The following CHRDL1 variants were observed in gnomAD, a reference collection of about 807,000 sequenced individuals.
CHRDL1 encodes chordin like 1, also known as chordin-like protein 1.
In CHRDL1, 19 loss-of-function variants were observed where a neutral mutation model predicts 40.9. That is an observed-to-expected ratio of 0.46 (90% confidence interval 0.32 to 0.68). The LOEUF is 0.68. Among genes scored for constraint, CHRDL1 ranks in the 30% least tolerant of loss-of-function variants. CHRDL1 has a pLI of 0.03. For missense variants in CHRDL1, 329 were observed against 352.1 expected (o/e 0.93, Z 0.53); for synonymous variants, 136 against 123.4 (o/e 1.10, Z -0.68).
chrX:110,778,023 G>A (rs1203615452), intron 2 of CHRDL1, among the ~76,000 whole-genome samples: 1 of 110,948 alleles, frequency 9.0e-6, no homozygotes, highest in African/African-American at 3.3e-5. Context: ...TATTCAATAC[G>A]TAGTGTTAGG....
Position 110,775,558 on chromosome X carries a change from T to C in CHRDL1, c.95-12751A>G, listed in dbSNP as rs1008990046. On this transcript the variant is annotated intron_variant, in intron 2 of 11. Transcript: ENST00000372042. ...ATGTATCTCATAACATCATGTTGTA[T>C]ACCTTAAATGTACACAATAGAACTT... 1.1e-4 allele frequency among the ~76,000 whole-genome samples: 12 copies of C among 111,741 alleles called. No individual in the cohort carries two copies. In the South Asian group the frequency reaches 3.0e-3, roughly 28 times the overall value.
intron 6 of CHRDL1, among the ~76,000 whole-genome samples, chrX:110,706,460 T>TA (rs1174028156): frequency 1.8e-5 from 2 of 112,018 alleles, no homozygotes; most frequent in Non-Finnish European, 3.8e-5. Context: ...AGTGGTACCC[T>TA]ATGAAGCTGT....
chrX:110,782,786 T>C (rs2089965736), intron 2 of CHRDL1, among the ~76,000 whole-genome samples: 1 of 112,500 alleles, frequency 8.9e-6, no homozygotes, highest in Non-Finnish European at 1.9e-5. Context: ...CTAACAGCAC[T>C]TTCCTCATTT....
chrX:110,766,059 C>T (rs1038744397), intron 2 of CHRDL1, among the ~76,000 whole-genome samples: 1 of 111,529 alleles, frequency 9.0e-6, no homozygotes, highest in African/African-American at 3.3e-5. Flanking sequence ...CAAAACCACA[C>T]AAATAAATGG....
intron 8 of CHRDL1, among the ~76,000 whole-genome samples, chrX:110,693,332 C>A (rs936682083): frequency 2.7e-5 from 3 of 111,033 alleles, no homozygotes; most frequent in Non-Finnish European, 5.7e-5. Flanking sequence ...GGATTTCTCA[C>A]TGGATTACTC....
At chrX:110,771,838 C>T (rs766314502) in intron 2 of CHRDL1, among the ~76,000 whole-genome samples, 34 of 111,091 alleles carry the variant, frequency 3.1e-4, no homozygotes, top group African/African-American at 1.0e-3. Flanking sequence ...AAATAAAAGG[C>T]CTATATGCTG....
intron 9 of CHRDL1, among the ~76,000 whole-genome samples, chrX:110,686,905 AAAAAT>A (rs1569460384): frequency 8.4e-5 from 9 of 107,424 alleles, no homozygotes; most frequent in African/African-American, 2.1e-4. Flanking sequence ...AAATAAAAAA[AAAAAT>A]AAAAAGAATG....
intron 8 of CHRDL1, among the ~76,000 whole-genome samples, chrX:110,692,252 G>T (rs1461378896): frequency 9.0e-6 from 1 of 111,674 alleles, no homozygotes; most frequent in East Asian, 2.8e-4. Flanking sequence ...ATGGGGTGAA[G>T]TTAATTCTGG....
At chrX:110,768,593 G>C (rs982859320) in intron 2 of CHRDL1, among the ~76,000 whole-genome samples, 2 of 111,214 alleles carry the variant, frequency 1.8e-5, no homozygotes, top group Non-Finnish European at 3.8e-5. Context: ...AAGCTGACTT[G>C]CTGAGTCTTC....
intron 4 of CHRDL1, among the ~76,000 whole-genome samples, chrX:110,721,741 C>T (rs985863248): frequency 5.4e-5 from 6 of 111,953 alleles, no homozygotes; most frequent in Admixed American, 9.4e-5. Context: ...ATCCATCCGT[C>T]CATCCATCCA....
chrX:110,683,281 A>G (rs1176409741), intron 9 of CHRDL1, among the ~76,000 whole-genome samples: 1 of 108,612 alleles, frequency 9.2e-6, no homozygotes, highest in Admixed American at 9.7e-5. Context: ...GTTTGTCTTT[A>G]GAACTACCTA....
intron 8 of CHRDL1, among the ~76,000 whole-genome samples, chrX:110,690,194 C>T (rs1184097132): frequency 1.9e-5 from 2 of 103,020 alleles, no homozygotes; most frequent in East Asian, 2.9e-4. Context: ...TACAGGTGCC[C>T]GCCACCACGC....
In CHRDL1 at chrX:110,674,613, G is replaced by T. The variant is rs2069738175; in HGVS notation, c.*1618C>A. 1 of 111,881 alleles carries T rather than the reference G, an allele frequency of 8.9e-6. No homozygotes were observed. Among genetic ancestry groups the T allele is most frequent in the African/African-American group, 3.3e-5 (1 of 30,767 alleles). The allele number at this position is 111,881 out of a possible 1,213,427, so 9.2% of individuals were successfully genotyped here. A position where few individuals can be genotyped will look rare whatever the true frequency, so the allele number is the denominator to read the frequency against. On this transcript the variant is annotated 3_prime_UTR_variant, in exon 12 of 12. Transcript: ENST00000372042. ...TTGTCCCAAGAAACCCTGGCCATAA[G>T]GCCCTTGTGTCTCTTTCATAAGAAT...
intron 7 of CHRDL1, among the ~76,000 whole-genome samples, chrX:110,696,105 T>A (rs1036458337): frequency 9.0e-6 from 1 of 111,079 alleles, no homozygotes; most frequent in African/African-American, 3.3e-5. Flanking sequence ...AAGGAACACA[T>A]AGAGGACAGT....
At chrX:110,763,955 AGGT>A (rs1289804236) in intron 2 of CHRDL1, among the ~76,000 whole-genome samples, 1 of 111,931 alleles carries the variant, frequency 8.9e-6, no homozygotes, top group Non-Finnish European at 1.9e-5. Context: ...TGAAGGAGTA[AGGT>A]GGTATTGCAT....
At chrX:110,772,169 TTAAGA>T (rs2089771660) in intron 2 of CHRDL1, among the ~76,000 whole-genome samples, 3 of 112,052 alleles carry the variant, frequency 2.7e-5, no homozygotes, top group Admixed American at 1.9e-4. Flanking sequence ...TACAAAATTG[TTAAGA>T]TATCAGTTCT....
At chrX:110,751,768 T>A (rs773040641) in intron 4 of CHRDL1, among the ~76,000 whole-genome samples, 1 of 111,566 alleles carries the variant, frequency 9.0e-6, no homozygotes, top group African/African-American at 3.3e-5. Flanking sequence ...ATCCTACTAC[T>A]GGGTATATAT....
intron 4 of CHRDL1, among the ~76,000 whole-genome samples, chrX:110,751,969 A>G (rs1252204638): frequency 1.8e-5 from 2 of 112,514 alleles, no homozygotes; most frequent in African/African-American, 6.5e-5. Context: ...TGTCATTCAC[A>G]GCAACATGAA....
chrX:110,794,603 G>A (rs1478720426), intron 1 of CHRDL1, among the ~76,000 whole-genome samples: 3 of 112,704 alleles, frequency 2.7e-5, no homozygotes, highest in South Asian at 3.7e-4. Flanking sequence ...GTTCATCTGC[G>A]TTAAGCAAAG....
Sources: gnomAD v4.1 joint callset for allele counts (sites outside exome capture counted in the v4.1 genomes callset) on GRCh38, gnomAD v4.1.1 for gene constraint, MANE v1.5 for transcripts, NCBI Gene and HGNC (gene_info 2026-07-23, HGNC 2026-07-21) for gene names.